Variants in KCNH7 observed in about 807,000 individuals in gnomAD.
The protein encoded by KCNH7 is potassium voltage-gated channel subfamily H member 7, also known as voltage-gated inwardly rectifying potassium channel KCNH7.
A neutral mutation model predicts 120.8 loss-of-function variants in KCNH7; 49 were observed. The observed-to-expected ratio is 0.41, with a 90% confidence interval of 0.32 to 0.51. KCNH7 has a LOEUF of 0.51. Among genes scored for constraint, KCNH7 ranks in the 20% least tolerant of loss-of-function variants. The probability of loss-of-function intolerance (pLI) is 0.38; values close to 1 mark genes in which losing one functional copy is unlikely to be tolerated. For missense variants in KCNH7, 1,097 were observed against 1,446.6 expected, an observed-to-expected ratio of 0.76 and a Z score of 3.92; for synonymous variants, 547 against 516.1, an observed-to-expected ratio of 1.06 and a Z score of -0.81.
intron 6 of KCNH7, among the ~76,000 whole-genome samples, chr2:162,450,032 T>C (rs893135226): frequency 1.3e-5 from 2 of 152,106 alleles, no homozygotes; most frequent in African/African-American, 4.8e-5. Flanking sequence ...CTAATCTTAA[T>C]GTATTTTTTG....
chr2:162,683,118 C>T (rs934284504), intron 2 of KCNH7, among the ~76,000 whole-genome samples: 2 of 151,654 alleles, frequency 1.3e-5, no homozygotes, highest in African/African-American at 4.8e-5. Flanking sequence ...GCTTTTACTG[C>T]TAAATGAACC....
chr2:162,394,353 G>T, intron 12 of KCNH7, 36 bp downstream of exon 12: 1 of 1,150,336 alleles, frequency 8.7e-7, no homozygotes, highest in Non-Finnish European at 1.3e-6. Context: ...ATTACCACAT[G>T]CTCTACATTT....
chr2:162,471,400 G>A (rs1335036073), intron 6 of KCNH7, among the ~76,000 whole-genome samples: 2 of 152,136 alleles, frequency 1.3e-5, no homozygotes. Context: ...GTGCATTTGT[G>A]TGTATGTATG....
intron 2 of KCNH7, among the ~76,000 whole-genome samples, chr2:162,828,399 A>T (rs1685361773): frequency 6.6e-6 from 1 of 152,128 alleles, no homozygotes. Flanking sequence ...ACTAAATATA[A>T]GTAAGAAGAG....
chr2:162,452,237 T>C (rs1374274313), intron 6 of KCNH7, among the ~76,000 whole-genome samples: 1 of 152,048 alleles, frequency 6.6e-6, no homozygotes. Flanking sequence ...TAGTTACTAT[T>C]TATTTATAAT....
chr2:162,625,714 G>A (rs190268293), intron 2 of KCNH7, among the ~76,000 whole-genome samples: 1 of 152,134 alleles, frequency 6.6e-6, no homozygotes, highest in Non-Finnish European at 1.5e-5. Flanking sequence ...ATAATGGGTA[G>A]AAAGAGCCGC....
intron 9 of KCNH7, among the ~76,000 whole-genome samples, chr2:162,404,900 C>A (rs1284574157): frequency 2.0e-5 from 3 of 151,898 alleles, no homozygotes; most frequent in Non-Finnish European, 4.4e-5. Context: ...TCTAAATGCC[C>A]AAATTAAAAC....
At chr2:162,401,689 A>G (rs985129383) in intron 9 of KCNH7, among the ~76,000 whole-genome samples, 4 of 151,910 alleles carry the variant, frequency 2.6e-5, no homozygotes, top group Non-Finnish European at 5.9e-5. Context: ...AAAGAGGACC[A>G]ATAGGATACC....
At chr2:162,720,842 T>A (rs143877473) in intron 2 of KCNH7, among the ~76,000 whole-genome samples, 2 of 152,292 alleles carry the variant, frequency 1.3e-5, no homozygotes, top group East Asian at 3.9e-4. Context: ...GATAATAGTT[T>A]GTGAATACTA....
intron 10 of KCNH7, among the ~76,000 whole-genome samples, chr2:162,398,919 A>T (rs1187360599): frequency 1.3e-5 from 2 of 151,938 alleles, no homozygotes; most frequent in African/African-American, 4.8e-5. Flanking sequence ...TGTAAAAAAA[A>T]ACTAATATAA....
intron 2 of KCNH7, among the ~76,000 whole-genome samples, chr2:162,813,948 T>C (rs987604822): frequency 6.6e-6 from 1 of 152,170 alleles, no homozygotes; most frequent in Admixed American, 6.5e-5. Context: ...TGTAATAATA[T>C]GTCTACAGTA....
intron 2 of KCNH7, among the ~76,000 whole-genome samples, chr2:162,813,812 A>G (rs1684818641): frequency 6.6e-6 from 1 of 152,220 alleles, no homozygotes; most frequent in Non-Finnish European, 1.5e-5. Flanking sequence ...CTTACTTCCA[A>G]GACTACTAAC....
chr2:162,543,507 G>C (rs1186863442), intron 2 of KCNH7, among the ~76,000 whole-genome samples: 1 of 152,102 alleles, frequency 6.6e-6, no homozygotes, highest in Non-Finnish European at 1.5e-5. Flanking sequence ...ATGTTCTGCT[G>C]TGTGGCAGTA....
chr2:162,821,039 A>G (rs1291042398), intron 2 of KCNH7, among the ~76,000 whole-genome samples: 4 of 152,196 alleles, frequency 2.6e-5, no homozygotes, highest in African/African-American at 7.2e-5. Context: ...GGTTACACAC[A>G]ATACAAGGCT....
chr2:162,591,751 T>A (rs1448450830), intron 2 of KCNH7, among the ~76,000 whole-genome samples: 2 of 152,150 alleles, frequency 1.3e-5, no homozygotes, highest in Admixed American at 6.6e-5. Context: ...AATTGAAATA[T>A]GTTCTTATTT....
At chr2:162,730,892 G>T (rs1019853249) in intron 2 of KCNH7, among the ~76,000 whole-genome samples, 3 of 151,938 alleles carry the variant, frequency 2.0e-5, no homozygotes, top group African/African-American at 7.2e-5. Flanking sequence ...AAAACAGAAA[G>T]GGCAGGCAGG....
intron 2 of KCNH7, among the ~76,000 whole-genome samples, chr2:162,638,942 G>T (rs1051760295): frequency 6.6e-6 from 1 of 152,030 alleles, no homozygotes; most frequent in Admixed American, 6.6e-5. Context: ...GCCAAACTTG[G>T]CACTATTATC....
intron 6 of KCNH7, among the ~76,000 whole-genome samples, chr2:162,468,380 T>C (rs1264712200): frequency 6.6e-6 from 1 of 152,138 alleles, no homozygotes; most frequent in African/African-American, 2.4e-5. Context: ...AAAAAACAAA[T>C]GAAATTTGCT....
intron 2 of KCNH7, among the ~76,000 whole-genome samples, chr2:162,763,428 T>C (rs1326440667): frequency 6.6e-6 from 1 of 152,122 alleles, no homozygotes; most frequent in Non-Finnish European, 1.5e-5. Context: ...ACAGTTGACT[T>C]TCACTATCTG....
Sources: allele counts gnomAD v4.1 joint callset (sites outside exome capture counted in the v4.1 genomes callset), GRCh38; gene constraint gnomAD v4.1.1; transcripts MANE v1.5; gene names NCBI Gene and HGNC (gene_info 2026-07-23, HGNC 2026-07-21).